The following UBE2D2 variants were observed in gnomAD, a reference collection of about 807,000 sequenced individuals.
The protein encoded by UBE2D2 is ubiquitin conjugating enzyme E2 D2, also known as ubiquitin-conjugating enzyme E2 D2.
In UBE2D2, 2 loss-of-function variants were observed where a neutral mutation model predicts 24.2. That is an observed-to-expected ratio of 0.08 (90% confidence interval 0.03 to 0.26). The LOEUF (loss-of-function observed/expected upper bound fraction) is 0.26. Among genes scored for constraint, UBE2D2 ranks in the 10% least tolerant of loss-of-function variants. The pLI is 1.00. For synonymous variants in UBE2D2, 58 were observed against 56.5 expected, an observed-to-expected ratio of 1.03 and a Z score of -0.12; for missense variants, 44 against 177.6, an observed-to-expected ratio of 0.25 and a Z score of 4.28.
At chr5:139,544,482 G>A (rs943988925) in intron 1 of UBE2D2, among the ~76,000 whole-genome samples, 2 of 151,252 alleles carry the variant, frequency 1.3e-5, no homozygotes, top group African/African-American at 4.9e-5. Context: ...GTTGAGACAG[G>A]GTTTCACCAT....
At chr5:139,528,627 G>A (rs1752566323) in intron 1 of UBE2D2, among the ~76,000 whole-genome samples, 1 of 152,146 alleles carries the variant, frequency 6.6e-6, no homozygotes, top group Non-Finnish European at 1.5e-5. Flanking sequence ...CCCATGCTAT[G>A]GTGATTTTAA....
intron 1 of UBE2D2, among the ~76,000 whole-genome samples, chr5:139,568,592 G>A (rs1753289859): frequency 6.6e-6 from 1 of 152,176 alleles, no homozygotes; most frequent in Non-Finnish European, 1.5e-5. Context: ...GGGAGGCAGA[G>A]CTTGCAGTAA....
At chr5:139,587,285 A>G (rs959901389) in intron 1 of UBE2D2, among the ~76,000 whole-genome samples, 1 of 152,190 alleles carries the variant, frequency 6.6e-6, no homozygotes, top group Non-Finnish European at 1.5e-5. Context: ...TCAGGAGCAC[A>G]GTGGACACCC....
At chr5:139,572,830 T>C (rs956611001) in intron 1 of UBE2D2, among the ~76,000 whole-genome samples, 1 of 151,738 alleles carries the variant, frequency 6.6e-6, no homozygotes, top group Non-Finnish European at 1.5e-5. Context: ...TTTGTATTTT[T>C]AGCAGGTTTC....
At chr5:139,583,272 G>A (rs1753646020) in intron 1 of UBE2D2, among the ~76,000 whole-genome samples, 1 of 152,100 alleles carries the variant, frequency 6.6e-6, no homozygotes. Context: ...ATTGCATCCG[G>A]CCAATAACAA....
Position 139,538,868 on chromosome 5 carries a change from TAAA to T in UBE2D2, c.-64+12269_-64+12271del, listed in dbSNP as rs113802921. On this transcript the variant is annotated intron_variant, in intron 1 of 6. Transcript: ENST00000511725. ...CAGGGCAACAAGAGCAAAATCCATC[TAAA>T]AAAAAAAAAAAAGCATTTTCATTAT... 4.1e-4 allele frequency among the ~76,000 whole-genome samples: 50 copies of T among 122,118 alleles called. 1 individual carries two copies. Among genetic ancestry groups the T allele is most frequent in the African/African-American group, 1.4e-3 (47 of 33,468 alleles). The allele number at this position is 122,118 out of a possible 152,430, so 80.1% of individuals were successfully genotyped here.
upstream of UBE2D2, among the ~76,000 whole-genome samples, chr5:139,559,583 G>T (rs544836891): frequency 6.6e-6 from 1 of 152,178 alleles, no homozygotes; most frequent in South Asian, 2.1e-4. Flanking sequence ...CTCTCACTGG[G>T]TGCACGGTGC....
intron 1 of UBE2D2, among the ~76,000 whole-genome samples, chr5:139,550,559 C>T (rs371352919): frequency 1.3e-5 from 2 of 152,142 alleles, no homozygotes; most frequent in African/African-American, 4.8e-5. Flanking sequence ...AGGTTCTCTT[C>T]CACGCTCACG....
intron 2 of UBE2D2, 43 bp from the exon 3 acceptor site, chr5:139,614,543 G>A (rs981919172): frequency 6.2e-7 from 1 of 1,607,286 alleles, no homozygotes; most frequent in Non-Finnish European, 8.5e-7. Context: ...TAGATACAAT[G>A]TAGATATTGT....
chr5:139,587,817 T>C (rs540390643), intron 1 of UBE2D2, among the ~76,000 whole-genome samples: 11 of 152,144 alleles, frequency 7.2e-5, no homozygotes, highest in African/African-American at 2.7e-4. Flanking sequence ...TGGGTTTATA[T>C]CCAGATCATT....
chr5:139,564,248 G>A (rs1753170067), intron 1 of UBE2D2, among the ~76,000 whole-genome samples: 1 of 151,986 alleles, frequency 6.6e-6, no homozygotes, highest in African/African-American at 2.4e-5. Context: ...CCACCTCCTG[G>A]GTTCAAGTGA....
At chr5:139,604,296 G>A (rs116680202) in intron 2 of UBE2D2, among the ~76,000 whole-genome samples, 4 of 151,622 alleles carry the variant, frequency 2.6e-5, no homozygotes, top group African/African-American at 7.3e-5. Context: ...GTGCCCCGCC[G>A]CCCAGCTAAT....
chr5:139,559,983 T>C (rs1446155746), upstream of UBE2D2, among the ~76,000 whole-genome samples: 1 of 151,688 alleles, frequency 6.6e-6, no homozygotes, highest in Non-Finnish European at 1.5e-5. Flanking sequence ...CCAAATATTC[T>C]AGGTTTGATT....
chr5:139,560,259 G>C (rs113759914), upstream of UBE2D2, among the ~76,000 whole-genome samples: 1,433 of 148,520 alleles, frequency 9.6e-3, 12 homozygotes, highest in African/African-American at 0.033. Context: ...GTGAACTGGC[G>C]TGATCTCGGC....
intron 1 of UBE2D2, among the ~76,000 whole-genome samples, chr5:139,545,015 G>C (rs1026508356): frequency 6.6e-6 from 1 of 151,800 alleles, no homozygotes; most frequent in East Asian, 1.9e-4. Flanking sequence ...TTTTGACCTC[G>C]TGATCCACCC....
intron 1 of UBE2D2, among the ~76,000 whole-genome samples, chr5:139,577,955 G>A (rs1753514845): frequency 6.6e-6 from 1 of 152,216 alleles, no homozygotes; most frequent in African/African-American, 2.4e-5. Flanking sequence ...GCTGGTGGAG[G>A]AGATCCTTGC....
chr5:139,531,837 A>G (rs1752601945), intron 1 of UBE2D2, among the ~76,000 whole-genome samples: 1 of 151,354 alleles, frequency 6.6e-6, no homozygotes, highest in African/African-American at 2.4e-5. Context: ...AAAACAAAAA[A>G]CCAGGTGGGT....
At position 139,535,141 on chromosome 5, in the gene UBE2D2, C is replaced by CAAATAAAT. The variant is rs556026108; in HGVS notation, c.-64+8545_-64+8552dup. ...TGGGTGACAAAGTGAGACTTTATCT[C>CAAATAAAT]AAATAAATAAATAAATAAATAAAGT... On this transcript the variant is annotated intron_variant, in intron 1 of 6. Transcript: ENST00000511725. Among the ~76,000 whole-genome samples, 57 of 146,372 alleles carry CAAATAAAT rather than the reference C, an allele frequency of 3.9e-4. No individual in the cohort carries two copies. The Middle Eastern group carries it at 0.012, about 32-fold the overall frequency.
Position 139,614,680 on chromosome 5 carries a change from T to C in UBE2D2, c.121-17T>C. 1 of 1,613,828 alleles carries C rather than the reference T, an allele frequency of 6.2e-7. No homozygotes were observed. ...GTAATTTACTCATTTTAATCCCACT[T>C]TTCTTGTTATCAACAGAATGACAGT... is the stretch of plus-strand genomic sequence containing the variant. On this transcript the variant is annotated splice_polypyrimidine_tract_variant and intron_variant, in intron 3 of 6. Coordinates refer to ENST00000398733, the MANE Select transcript of UBE2D2 (RefSeq NM_003339.3).
Sources: gnomAD v4.1 joint callset for allele counts (sites outside exome capture counted in the v4.1 genomes callset) on GRCh38, gnomAD v4.1.1 for gene constraint, MANE v1.5 for transcripts, NCBI Gene and HGNC (gene_info 2026-07-23, HGNC 2026-07-21) for gene names.